PELI1: variants seen among roughly 807,000 people sequenced by gnomAD.
The protein encoded by PELI1 is pellino E3 ubiquitin protein ligase 1.
A neutral mutation model predicts 41.3 loss-of-function variants in PELI1; 15 were observed. The observed-to-expected ratio is 0.36, with a 90% confidence interval of 0.24 to 0.56. The LOEUF is 0.56. Ranked by LOEUF, PELI1 falls within the 20% of genes least tolerant of loss-of-function variation. The pLI, the probability that PELI1 is intolerant of heterozygous loss-of-function variation, is 0.82. For synonymous variants in PELI1, 178 were observed against 180.1 expected (o/e 0.99, Z 0.09); for missense variants, 403 against 525.5 (o/e 0.77, Z 2.28).
At position 64,108,371 on chromosome 2, in the gene PELI1, C is replaced by T. The variant is rs1680690970; in HGVS notation, c.-61G>A. 1 of 958,450 alleles carries T rather than the reference C, an allele frequency of 1.0e-6. No homozygotes were observed. Among genetic ancestry groups the T allele is most frequent in the South Asian group, 1.3e-5 (1 of 74,334 alleles). The allele number at this position is 958,450 out of a possible 1,614,324, so 59.4% of individuals were successfully genotyped here. ...GTCAGGAGCCTTGGGACACCTTTTG[C>T]ATTATTTCCTAGAGGGGAAAAGTTT... On this transcript the variant is annotated 5_prime_UTR_variant, in exon 2 of 7. An upstream start codon of the reference 5' UTR is lost. Transcript: ENST00000358912.
intron 1 of PELI1, among the ~76,000 whole-genome samples, chr2:64,131,774 C>A (rs1395466798): frequency 6.6e-6 from 1 of 152,128 alleles, no homozygotes; most frequent in African/African-American, 2.4e-5. Flanking sequence ...GCACACACCA[C>A]CACGCCCAAT....
At chr2:64,131,863 C>T (rs774005055) in intron 1 of PELI1, among the ~76,000 whole-genome samples, 3 of 152,098 alleles carry the variant, frequency 2.0e-5, no homozygotes, top group Non-Finnish European at 4.4e-5. Flanking sequence ...TCAAATGATC[C>T]ACCCACCTTG....
chr2:64,127,815 C>T (rs746114810), intron 1 of PELI1, among the ~76,000 whole-genome samples: 2 of 152,054 alleles, frequency 1.3e-5, no homozygotes, highest in African/African-American at 4.8e-5. Flanking sequence ...AATTTAGCTC[C>T]CCTTTAACCA....
intron 4 of PELI1, among the ~76,000 whole-genome samples, chr2:64,099,752 T>C (rs1680361953): frequency 6.6e-6 from 1 of 152,228 alleles, no homozygotes; most frequent in South Asian, 2.1e-4. Context: ...AGCTCAATAT[T>C]AAGGGAGAAG....
At chr2:64,106,631 C>G (rs1367874808) in intron 2 of PELI1, among the ~76,000 whole-genome samples, 2 of 152,110 alleles carry the variant, frequency 1.3e-5, no homozygotes, top group Non-Finnish European at 2.9e-5. Flanking sequence ...TCTCAAAGGG[C>G]CTTAGATGAT....
intron 1 of PELI1, among the ~76,000 whole-genome samples, chr2:64,124,288 C>T (rs1473691570): frequency 6.6e-6 from 1 of 152,090 alleles, no homozygotes; most frequent in Non-Finnish European, 1.5e-5. Context: ...TAAGTGTTTA[C>T]ATAAATGGTA....
intron 1 of PELI1, among the ~76,000 whole-genome samples, chr2:64,142,879 A>C (rs567250107): frequency 1.2e-4 from 18 of 152,356 alleles, no homozygotes; most frequent in Admixed American, 7.8e-4. Context: ...TGCAATGAAA[A>C]CAAAGTAACA....
At chr2:64,112,901 C>T (rs767535866) in intron 1 of PELI1, among the ~76,000 whole-genome samples, 6 of 151,988 alleles carry the variant, frequency 3.9e-5, no homozygotes, top group Non-Finnish European at 5.9e-5. Context: ...TTAACAAAGA[C>T]CAGTACCTAG....
intron 2 of PELI1, 122 bp downstream of exon 2, chr2:64,108,118 C>A: frequency 1.6e-6 from 1 of 622,918 alleles, no homozygotes. Context: ...TTACCTGTAG[C>A]TTTAAATTCT....
chr2:64,096,423 A>G lies in PELI1; in HGVS notation c.491T>C (p.Ile164Thr). 1 of 1,608,228 alleles carries G rather than the reference A, an allele frequency of 6.2e-7. No individual in the cohort carries two copies. ...AAAAAAGCTTTTTACCCCAAGAAAG[A>G]TGTTTTTTGATGAGTCAAATCCTGC... ...YAAGFDSSKN[I>T]FLGEKAAKWK... Residue 164 changes from isoleucine (I) to threonine (T), a missense_variant, in exon 5 of 7, where the codon ATC becomes ACC. Physicochemically the swap from Ile to Thr is moderately conservative, Grantham distance 89. Transcript: ENST00000358912.
intron 6 of PELI1, among the ~76,000 whole-genome samples, chr2:64,095,493 A>AT (rs1680203032): frequency 6.6e-6 from 1 of 152,268 alleles, no homozygotes; most frequent in African/African-American, 2.4e-5. Context: ...AAGACAACTT[A>AT]TGATTAAAAC....
intron 1 of PELI1, among the ~76,000 whole-genome samples, chr2:64,113,539 T>G (rs2103701691): frequency 6.6e-6 from 1 of 152,290 alleles, no homozygotes; most frequent in East Asian, 1.9e-4. Flanking sequence ...TAAAACTGTC[T>G]TCTATTTTAT....
At chr2:64,140,444 T>C (rs1409454260) in intron 1 of PELI1, among the ~76,000 whole-genome samples, 2 of 152,124 alleles carry the variant, frequency 1.3e-5, no homozygotes, top group Admixed American at 6.5e-5. Context: ...AAACATCTAG[T>C]ACAACATTCC....
intron 1 of PELI1, among the ~76,000 whole-genome samples, chr2:64,122,314 A>G (rs1267382222): frequency 6.6e-6 from 1 of 150,870 alleles, no homozygotes; most frequent in African/African-American, 2.4e-5. Flanking sequence ...GCTCAGGGAA[A>G]ATGATAAACT....
chr2:64,123,581 T>G (rs1681293204), intron 1 of PELI1, among the ~76,000 whole-genome samples: 1 of 152,184 alleles, frequency 6.6e-6, no homozygotes, highest in African/African-American at 2.4e-5. Flanking sequence ...ATTAGGGAAA[T>G]ACAAATCAAA....
intron 6 of PELI1, 89 bp from the exon 7 acceptor site, chr2:64,095,357 G>T: frequency 1.4e-6 from 1 of 731,628 alleles, no homozygotes; most frequent in Non-Finnish European, 2.3e-6. Flanking sequence ...CCTTACTCAA[G>T]AAATGAGGTT....
intron 1 of PELI1, among the ~76,000 whole-genome samples, chr2:64,110,247 G>GAAAAAA (rs796716135): frequency 3.7e-4 from 37 of 100,784 alleles, no homozygotes; most frequent in East Asian, 1.2e-3. Flanking sequence ...TCCGTCTCAA[G>GAAAAAA]AAAAAAAAAA....
intron 3 of PELI1, 114 bp from the exon 4 acceptor site, chr2:64,100,613 T>A (rs542878396): frequency 1.4e-6 from 1 of 697,660 alleles, no homozygotes; most frequent in East Asian, 2.7e-5. Context: ...ATTTATACAT[T>A]TTCCCCCTGA....
At chr2:64,138,837 T>G (rs1189027242) in intron 1 of PELI1, among the ~76,000 whole-genome samples, 1 of 152,226 alleles carries the variant, frequency 6.6e-6, no homozygotes, top group Non-Finnish European at 1.5e-5. Flanking sequence ...TTCCTGTTTG[T>G]GTGTAAAACT....
Sources: allele counts gnomAD v4.1 joint callset (sites outside exome capture counted in the v4.1 genomes callset), GRCh38; gene constraint gnomAD v4.1.1; transcripts MANE v1.5; gene names NCBI Gene and HGNC (gene_info 2026-07-23, HGNC 2026-07-21).